The following DLGAP2 variants were observed in gnomAD, a reference collection of about 807,000 sequenced individuals.
The protein encoded by DLGAP2 is disks large-associated protein 2.
Under a neutral mutation model 100.3 loss-of-function variants are expected in DLGAP2, and 26 were observed. The ratio of observed to expected loss-of-function variants is 0.26; its 90% CI spans 0.19 to 0.36. The LOEUF is 0.36. Ranked by LOEUF, DLGAP2 falls within the 10% of genes least tolerant of loss-of-function variation. The pLI is 1.00. For missense variants in DLGAP2, 1,858 were observed against 1,453.2 expected (o/e 1.28, Z -4.53); for synonymous variants, 886 against 630.1 (o/e 1.41, Z -6.08).
At chr8:1,352,567 C>T (rs1413587569) in intron 3 of DLGAP2, among the ~76,000 whole-genome samples, 1 of 152,164 alleles carries the variant, frequency 6.6e-6, no homozygotes. Context: ...CATTTTAATT[C>T]ATCCAAGTTT....
intron 4 of DLGAP2, among the ~76,000 whole-genome samples, chr8:1,511,362 T>C: frequency 6.8e-6 from 1 of 146,654 alleles, no homozygotes; most frequent in Non-Finnish European, 1.5e-5. Context: ...GTAAGGGCTG[T>C]CTAGTGTAGG....
chr8:910,816 G>C (rs983470915), intron 2 of DLGAP2, among the ~76,000 whole-genome samples: 1 of 152,056 alleles, frequency 6.6e-6, no homozygotes, highest in African/African-American at 2.4e-5. Context: ...AGGGGGTTCC[G>C]TCCTTAGCAC....
intron 2 of DLGAP2, among the ~76,000 whole-genome samples, chr8:1,007,499 G>A (rs1801152865): frequency 6.6e-6 from 1 of 152,226 alleles, no homozygotes; most frequent in Admixed American, 6.5e-5. Flanking sequence ...GGAAAGATGT[G>A]TCTCTAACTA....
intron 2 of DLGAP2, among the ~76,000 whole-genome samples, chr8:1,066,136 G>A (rs929682399): frequency 2.6e-5 from 4 of 151,952 alleles, no homozygotes; most frequent in Non-Finnish European, 5.9e-5. Context: ...GTCTGAGCGA[G>A]GACAGCTCCC....
In DLGAP2 at chr8:1,490,888, G is replaced by A. The variant is rs189690141; in HGVS notation, c.107-10478G>A. ...GGGGACGGTTGTGGGGTGGGGGGAC[G>A]GGGGAGGGATAGCATTAGGAGATAT... is the stretch of plus-strand genomic sequence containing the variant. On this transcript the variant is annotated intron_variant, in intron 3 of 14. Transcript: ENST00000637795. Among the ~76,000 whole-genome samples the A allele has an allele frequency of 5.8e-4, 87 of 151,140 alleles. 1 individual carries two copies. The highest frequency in any genetic ancestry group is 2.4e-4 in the Non-Finnish European group (16 of 67,778).
At chr8:762,812 G>C (rs1289385033) in intron 1 of DLGAP2, among the ~76,000 whole-genome samples, 1 of 151,848 alleles carries the variant, frequency 6.6e-6, no homozygotes, top group Non-Finnish European at 1.5e-5. Flanking sequence ...GGAGTAACTG[G>C]GATCACAGGT....
At chr8:1,171,873 G>A (rs1006385434) in intron 2 of DLGAP2, among the ~76,000 whole-genome samples, 1 of 152,128 alleles carries the variant, frequency 6.6e-6, no homozygotes, top group Non-Finnish European at 1.5e-5. Flanking sequence ...GGAGCATTTA[G>A]TCCATGTACA....
At chr8:1,536,135 G>C (rs1033727006) in intron 4 of DLGAP2, among the ~76,000 whole-genome samples, 1 of 152,222 alleles carries the variant, frequency 6.6e-6, no homozygotes, top group African/African-American at 2.4e-5. Context: ...GGCACCCTGA[G>C]TATTCAGGAG....
intron 3 of DLGAP2, among the ~76,000 whole-genome samples, chr8:1,265,924 T>C (rs1381590311): frequency 6.6e-6 from 1 of 152,320 alleles, no homozygotes; most frequent in African/African-American, 2.4e-5. Flanking sequence ...GGTATTTTTA[T>C]AGATAAAATC....
intron 2 of DLGAP2, among the ~76,000 whole-genome samples, chr8:1,227,153 G>GATATATAGAT (rs1798434761): frequency 2.8e-4 from 25 of 89,682 alleles, no homozygotes; most frequent in African/African-American, 1.6e-3. Flanking sequence ...GAAACTGTGA[G>GATATATAGAT]ATATATATAT....
chr8:1,184,390 G>T (rs921536641), intron 2 of DLGAP2, among the ~76,000 whole-genome samples: 5 of 152,234 alleles, frequency 3.3e-5, no homozygotes, highest in African/African-American at 7.2e-5. Context: ...GCAAGCTCAT[G>T]TCTTCCTTTC....
At chr8:1,028,059 C>T (rs56149610) in intron 2 of DLGAP2, among the ~76,000 whole-genome samples, 11 of 137,982 alleles carry the variant, frequency 8.0e-5, no homozygotes, top group Non-Finnish European at 1.7e-4. Flanking sequence ...CCATTATTCT[C>T]CAGGTGGGGT....
chr8:1,421,625 T>C (rs889365093), intron 3 of DLGAP2, among the ~76,000 whole-genome samples: 5 of 152,068 alleles, frequency 3.3e-5, no homozygotes, highest in East Asian at 1.9e-4. Context: ...AAGATGAAAA[T>C]AGAGATTAGT....
intron 2 of DLGAP2, among the ~76,000 whole-genome samples, chr8:1,219,071 G>A (rs1475250913): frequency 6.6e-6 from 1 of 152,174 alleles, no homozygotes; most frequent in Admixed American, 6.5e-5. Flanking sequence ...TCTAAAGACA[G>A]GTAGTTTGAC....
chr8:1,153,710 C>T (rs1456475486), intron 2 of DLGAP2, among the ~76,000 whole-genome samples: 1 of 152,140 alleles, frequency 6.6e-6, no homozygotes, highest in Non-Finnish European at 1.5e-5. Context: ...ATTGCCAGAC[C>T]ATTAACATTA....
At chr8:1,000,497 G>T (rs1283232167) in intron 2 of DLGAP2, among the ~76,000 whole-genome samples, 1 of 151,512 alleles carries the variant, frequency 6.6e-6, no homozygotes, top group Non-Finnish European at 1.5e-5. Context: ...CCGGGTGGGG[G>T]TGGTTTTCTT....
At chr8:1,597,064 G>A (rs1796480754) in intron 6 of DLGAP2, among the ~76,000 whole-genome samples, 1 of 152,116 alleles carries the variant, frequency 6.6e-6, no homozygotes, top group Non-Finnish European at 1.5e-5. Flanking sequence ...AAGGAGTCCA[G>A]TTTCAGTTTT....
rs1405710056 is a variant in DLGAP2 at position 1,199,266 on chromosome 8, ACT to A, written c.74-59582_74-59581del. Among the ~76,000 whole-genome samples the A allele has an allele frequency of 3.3e-5, 5 of 152,124 alleles. No individual in the cohort carries two copies. In the East Asian group the frequency reaches 9.7e-4, roughly 29 times the overall value. Reference sequence around the variant, plus strand: ...CATGGCTGAATAGATATCGTTGAAGACTCTGCTTCACTCAACAGATATCTTGC... The same window carrying A: ...CATGGCTGAATAGATATCGTTGAAGACTGCTTCACTCAACAGATATCTTGC... On this transcript the variant is annotated intron_variant, in intron 2 of 14. Coordinates refer to ENST00000637795, the MANE Select transcript of DLGAP2 (RefSeq NM_001346810.2).
rs773472103 is a variant in DLGAP2 at position 1,678,299 on chromosome 8, A to G, written c.2374A>G (p.Thr792Ala). Residue 792 changes from threonine (T) to alanine (A), a missense_variant, in exon 12 of 15, where the codon ACG becomes GCG. Thr to Ala is a moderately conservative substitution (Grantham distance 58). Coordinates refer to ENST00000637795, the MANE Select transcript of DLGAP2 (RefSeq NM_001346810.2). Reference protein sequence around the residue: ...ELEGFPGHITTEDKGLQFGSS... With the variant: ...ELEGFPGHITAEDKGLQFGSS... ...GGAGGGGTTCCCAGGCCACATCACC[A>G]CGGAGGACAAAGGCCTTCAGTTCGG... 20 of 1,613,920 alleles carry G rather than the reference A, an allele frequency of 1.2e-5. No individual in the cohort carries two copies. In the South Asian group the frequency reaches 2.0e-4, roughly 16 times the overall value.
Sources: gnomAD v4.1 joint callset for allele counts (sites outside exome capture counted in the v4.1 genomes callset) on GRCh38, gnomAD v4.1.1 for gene constraint, MANE v1.5 for transcripts, NCBI Gene and HGNC (gene_info 2026-07-23, HGNC 2026-07-21) for gene names.